NDUFC1: variants seen among roughly 807,000 people sequenced by gnomAD.
NDUFC1 encodes NADH dehydrogenase [ubiquinone] 1 subunit C1, mitochondrial.
In NDUFC1, 11 loss-of-function variants were observed where a neutral mutation model predicts 11.6. That is an observed-to-expected ratio of 0.95 (90% CI 0.60 to 1.58). The LOEUF (loss-of-function observed/expected upper bound fraction) is 1.58, where lower values mean the gene tolerates loss of function less well. Among genes scored for constraint, NDUFC1 ranks in the 40% most tolerant of loss-of-function variants. The probability of loss-of-function intolerance (pLI) is 0.00; values close to 1 mark genes in which losing one functional copy is unlikely to be tolerated. For missense variants in NDUFC1, 112 were observed against 93.0 expected (o/e 1.20, Z -0.84); for synonymous variants, 52 against 42.2 (o/e 1.23, Z -0.90).
intron 1 of NDUFC1, chr4:139,300,767 C>A (rs1405311151): frequency 1.3e-5 from 2 of 152,162 alleles, no homozygotes; most frequent in Admixed American, 6.5e-5. Flanking sequence ...CCAGGGTAGT[C>A]TGTCTTTAAG....
intron 1 of NDUFC1, among the ~76,000 whole-genome samples, chr4:139,298,405 T>C (rs1325396053): frequency 2.8e-5 from 4 of 140,464 alleles, no homozygotes; most frequent in Non-Finnish European, 6.0e-5. Flanking sequence ...ACCATTGCAC[T>C]CTAGCCTGGG....
At chr4:139,291,945 T>C (rs1185452573) in intron 5 of NDUFC1, among the ~76,000 whole-genome samples, 2 of 151,790 alleles carry the variant, frequency 1.3e-5, no homozygotes, top group Admixed American at 1.3e-4. Flanking sequence ...CACGCCATTC[T>C]CCTGCCTCAG....
intron 1 of NDUFC1, among the ~76,000 whole-genome samples, chr4:139,297,650 C>G (rs1745522901): frequency 6.6e-6 from 1 of 152,048 alleles, no homozygotes; most frequent in Non-Finnish European, 1.5e-5. Flanking sequence ...GGGAAAAAAT[C>G]ACATCTCCCA....
rs190645244 is a variant in NDUFC1 at position 139,294,018 on chromosome 4, T to C, written c.171+1025A>G. Among the ~76,000 whole-genome samples the C allele has an allele frequency of 1.7e-3, 239 of 138,010 alleles. 1 individual carries two copies. The highest frequency in any genetic ancestry group is 2.9e-3 in the Non-Finnish European group (193 of 65,622). The allele number at this position is 138,010 out of a possible 152,430, so 90.5% of individuals were successfully genotyped here. A position where few individuals can be genotyped will look rare whatever the true frequency, so the allele number is the denominator to read the frequency against. On this transcript the variant is annotated intron_variant, in intron 4 of 5. Coordinates refer to ENST00000394223, the MANE Select transcript of NDUFC1 (RefSeq NM_001184989.2). The stretch of plus-strand genomic sequence containing the variant: ...GTGCGGTAGCACGATCTCGGCTCAC[T>C]GCAAGCTCCACCTCCCGGGTTCACA...
chr4:139,294,451 C>T (rs1195400908), intron 4 of NDUFC1, among the ~76,000 whole-genome samples: 1 of 151,938 alleles, frequency 6.6e-6, no homozygotes, highest in East Asian at 2.0e-4. Context: ...AGTATAATTA[C>T]TATTGCCGGG....
At chr4:139,301,897 A>G (rs1745773737) in intron 1 of NDUFC1, 56 of 1,511,982 alleles carry the variant, frequency 3.7e-5, no homozygotes, top group Non-Finnish European at 5.0e-5. Context: ...GTCACCCCTA[A>G]CCTCGGCCCG....
rs764550706 is a variant in NDUFC1 at position 139,295,181 on chromosome 4, T to C, written c.68-35A>G. On this transcript the variant is annotated intron_variant, in intron 3 of 5. Transcript: ENST00000394223. The stretch of plus-strand genomic sequence containing the variant: ...GAAGAGGGTCTGTAAATTTGTAACT[T>C]ACTGCCTTGTAGGGAAAAAACCCTA... The C allele has an allele frequency of 2.6e-6, 4 of 1,540,182 alleles. No individual in the cohort carries two copies. The South Asian group carries it at 3.3e-5, about 13-fold the overall frequency.
intron 1 of NDUFC1, among the ~76,000 whole-genome samples, chr4:139,298,599 A>AC (rs1745572953): frequency 6.6e-6 from 1 of 151,860 alleles, no homozygotes; most frequent in Non-Finnish European, 1.5e-5. Flanking sequence ...ACACACACAC[A>AC]AAAAAAACCC....
chr4:139,295,110 G>C lies in NDUFC1; in HGVS notation c.104C>G (p.Pro35Arg), dbSNP rs561198975. 1 of 1,614,144 alleles carries C rather than the reference G, an allele frequency of 6.2e-7. No individual in the cohort carries two copies. The highest frequency in any genetic ancestry group is 8.5e-7 in the Non-Finnish European group (1 of 1,180,020). ...TTTCAGCCAGTCAGGTTTGGCATTC[G>C]GCGGCTCTCGCACGTAGAACTTTGA... ...VRSKFYVREP[P>R]NAKPDWLKVG... Residue 35 changes from proline (P) to arginine (R), a missense_variant, in exon 4 of 6, where the codon CCG (proline) becomes CGG (arginine). By Grantham distance (103) the Pro-to-Arg change is moderately radical. Coordinates refer to ENST00000394223, the MANE Select transcript of NDUFC1 (RefSeq NM_001184989.2).
chr4:139,296,291 CATATT>C (rs1745473985), intron 2 of NDUFC1: 1 of 155,624 alleles, frequency 6.4e-6, no homozygotes, highest in African/African-American at 2.4e-5. Flanking sequence ...TCCAAGGTGA[CATATT>C]ATATTTTACA....
intron 1 of NDUFC1, among the ~76,000 whole-genome samples, chr4:139,298,987 T>G (rs1745593459): frequency 6.6e-6 from 1 of 152,052 alleles, no homozygotes. Flanking sequence ...TTTTTTTTTT[T>G]GAGATGTAGT....
At chr4:139,295,414 A>T (rs1246842262) in intron 3 of NDUFC1, among the ~76,000 whole-genome samples, 1 of 152,048 alleles carries the variant, frequency 6.6e-6, no homozygotes, top group African/African-American at 2.4e-5. Flanking sequence ...GTGGTCATGT[A>T]AGGGGCGCCC....
At chr4:139,290,586 C>T (rs988387579) in intron 5 of NDUFC1, among the ~76,000 whole-genome samples, 3 of 151,844 alleles carry the variant, frequency 2.0e-5, no homozygotes, top group Non-Finnish European at 2.9e-5. Flanking sequence ...AGTCTGTGAT[C>T]GCTATGTTTA....
At chr4:139,301,671 A>G (rs1579071913) in intron 1 of NDUFC1, 3 of 1,311,408 alleles carry the variant, frequency 2.3e-6, no homozygotes, top group Non-Finnish European at 3.1e-6. Context: ...GTGGCGGCGG[A>G]TCGAGATATT....
chr4:139,300,675 C>T (rs1745673753), intron 1 of NDUFC1: 1 of 152,124 alleles, frequency 6.6e-6, no homozygotes, highest in African/African-American at 2.4e-5. Flanking sequence ...GTATCCTTGC[C>T]AGTCTTTGGC....
chr4:139,298,331 C>T (rs1408712933), intron 1 of NDUFC1, among the ~76,000 whole-genome samples: 9 of 150,416 alleles, frequency 6.0e-5, no homozygotes, highest in Non-Finnish European at 1.2e-4. Flanking sequence ...TCCAGCTACT[C>T]GGGAGGCTGA....
chr4:139,301,442 T>G, intron 1 of NDUFC1: 1 of 429,072 alleles, frequency 2.3e-6, no homozygotes, highest in Non-Finnish European at 4.1e-6. Flanking sequence ...GGAAAGGAGG[T>G]CACCGCGCCT....
chr4:139,301,336 T>A, intron 1 of NDUFC1: 1 of 402,932 alleles, frequency 2.5e-6, no homozygotes, highest in East Asian at 3.6e-5. Context: ...TACCACGCAC[T>A]GAAATGATGG....
chr4:139,290,096 T>TA lies in NDUFC1; in HGVS notation c.*21-5dup, dbSNP rs2110748890. 6.6e-6 allele frequency: 1 copy of TA among 150,812 alleles called. No homozygotes were observed. Among genetic ancestry groups the TA allele is most frequent in the South Asian group, 2.1e-4 (1 of 4,788 alleles). 9.3% of individuals were successfully genotyped at this position (150,812 alleles called of 1,614,324 possible). ...ACAATCACTATACGGAGCATACCTA[T>TA]AATGAAGAAAAAAAAAACTGTAGCA... On this transcript the variant is annotated splice_region_variant and splice_polypyrimidine_tract_variant and intron_variant, in intron 5 of 5. Coordinates refer to ENST00000394223, the MANE Select transcript of NDUFC1 (RefSeq NM_001184989.2).
Sources: allele counts gnomAD v4.1 joint callset (sites outside exome capture counted in the v4.1 genomes callset), GRCh38; gene constraint gnomAD v4.1.1; transcripts MANE v1.5; gene names NCBI Gene and HGNC (gene_info 2026-07-23, HGNC 2026-07-21).